Variants in SORCS1 observed in about 807,000 individuals in gnomAD.
SORCS1 encodes the protein VPS10 domain-containing receptor SorCS1.
Under a neutral mutation model 146.1 loss-of-function variants are expected in SORCS1, and 60 were observed. That is an observed-to-expected ratio of 0.41 (90% CI 0.33 to 0.51). The LOEUF is 0.51. SORCS1 is among the 20% of genes least tolerant of loss of function. SORCS1 has a pLI of 0.21. For synonymous variants in SORCS1, 637 were observed against 584.0 expected (o/e 1.09, Z -1.31); for missense variants, 1,352 against 1,487.6 (o/e 0.91, Z 1.50).
chr10:106,875,854 G>A (rs1408257332), intron 2 of SORCS1, among the ~76,000 whole-genome samples: 1 of 152,092 alleles, frequency 6.6e-6, no homozygotes, highest in Admixed American at 6.5e-5. Flanking sequence ...AAAATACAGA[G>A]TGACAGAAGT....
chr10:106,852,952 G>A (rs1199913227), intron 2 of SORCS1, among the ~76,000 whole-genome samples: 2 of 152,112 alleles, frequency 1.3e-5, no homozygotes, highest in Non-Finnish European at 2.9e-5. Flanking sequence ...ATGTCATTGG[G>A]TGGTTTTTGA....
chr10:106,941,638 T>C (rs1954047429), intron 2 of SORCS1, among the ~76,000 whole-genome samples: 1 of 152,172 alleles, frequency 6.6e-6, no homozygotes, highest in Admixed American at 6.5e-5. Context: ...TGGCTCCCAG[T>C]AGGAGAGGGA....
intron 3 of SORCS1, among the ~76,000 whole-genome samples, chr10:106,777,278 A>G (rs1860513938): frequency 6.6e-6 from 1 of 152,166 alleles, no homozygotes; most frequent in South Asian, 2.1e-4. Flanking sequence ...ATCACCTTCT[A>G]GCCTACTATA....
intron 18 of SORCS1, among the ~76,000 whole-genome samples, chr10:106,646,666 C>T (rs1016495828): frequency 2.6e-5 from 4 of 152,048 alleles, no homozygotes; most frequent in African/African-American, 9.7e-5. Flanking sequence ...CACTGCACTC[C>T]AGCCTGGGCG....
At chr10:106,719,037 C>A (rs1855594818) in intron 6 of SORCS1, among the ~76,000 whole-genome samples, 1 of 152,180 alleles carries the variant, frequency 6.6e-6, no homozygotes. Context: ...TCCAAGTCCC[C>A]ACCCAATCCA....
At chr10:107,018,712 G>C (rs970989136) in intron 1 of SORCS1, among the ~76,000 whole-genome samples, 1 of 151,946 alleles carries the variant, frequency 6.6e-6, no homozygotes, top group African/African-American at 2.4e-5. Flanking sequence ...TCCAACAGCA[G>C]GCAGCAGGAC....
At chr10:107,032,040 C>CACA (rs1160985307) in intron 1 of SORCS1, among the ~76,000 whole-genome samples, 2 of 152,126 alleles carry the variant, frequency 1.3e-5, no homozygotes, top group African/African-American at 4.8e-5. Flanking sequence ...CCATAGGACT[C>CACA]AGTGGTAGCA....
chr10:106,728,055 C>G (rs147904355), intron 6 of SORCS1, among the ~76,000 whole-genome samples: 1 of 150,258 alleles, frequency 6.7e-6, no homozygotes, highest in South Asian at 2.1e-4. Flanking sequence ...TTTTTTGAGA[C>G]GGAGTCTGGC....
intron 3 of SORCS1, among the ~76,000 whole-genome samples, chr10:106,779,462 A>C (rs959514384): frequency 3.3e-5 from 5 of 151,836 alleles, no homozygotes; most frequent in African/African-American, 1.2e-4. Flanking sequence ...GTTTCTTTCT[A>C]CTTCTTTATC....
intron 18 of SORCS1, among the ~76,000 whole-genome samples, chr10:106,641,013 T>C (rs755886829): frequency 2.0e-5 from 3 of 152,196 alleles, no homozygotes; most frequent in Non-Finnish European, 4.4e-5. Flanking sequence ...TCTTCTTGCA[T>C]CTGCCACAGT....
intron 2 of SORCS1, among the ~76,000 whole-genome samples, chr10:106,906,315 T>C (rs1361259622): frequency 2.0e-5 from 3 of 152,194 alleles, no homozygotes; most frequent in Admixed American, 2.0e-4. Flanking sequence ...GGATTTGCCA[T>C]GTTGGCCAGG....
At chr10:106,630,661 C>T (rs185780161) in intron 18 of SORCS1, among the ~76,000 whole-genome samples, 193 of 152,290 alleles carry the variant, frequency 1.3e-3, no homozygotes, top group Non-Finnish European at 2.1e-3. Flanking sequence ...GTTGTAAAAA[C>T]TATGCAGTAA....
intron 2 of SORCS1, among the ~76,000 whole-genome samples, chr10:106,946,734 C>T (rs1297705486): frequency 6.6e-6 from 1 of 152,176 alleles, no homozygotes; most frequent in African/African-American, 2.4e-5. Flanking sequence ...ACATTTTACC[C>T]TGCATTTAGC....
At chr10:107,067,079 C>G (rs1961944504) in intron 1 of SORCS1, among the ~76,000 whole-genome samples, 3 of 152,138 alleles carry the variant, frequency 2.0e-5, no homozygotes. Context: ...TTTATGGGAG[C>G]TGGCTGAAAC....
intron 1 of SORCS1, among the ~76,000 whole-genome samples, chr10:107,130,708 C>T (rs898969040): frequency 6.6e-6 from 1 of 151,972 alleles, no homozygotes; most frequent in African/African-American, 2.4e-5. Flanking sequence ...GGACTCTGGA[C>T]CCCAGAGCTC....
At chr10:106,722,329 G>A (rs1012820704) in intron 6 of SORCS1, among the ~76,000 whole-genome samples, 4 of 152,038 alleles carry the variant, frequency 2.6e-5, no homozygotes, top group East Asian at 1.9e-4. Flanking sequence ...TTTCAGCAGC[G>A]CTTACCTTAT....
chr10:106,868,281 A>C (rs1950291515), intron 2 of SORCS1, among the ~76,000 whole-genome samples: 1 of 152,054 alleles, frequency 6.6e-6, no homozygotes, highest in African/African-American at 2.4e-5. Context: ...TGACAGTATT[A>C]GATCATTGAG....
intron 1 of SORCS1, among the ~76,000 whole-genome samples, chr10:107,138,352 C>T (rs1389715389): frequency 6.6e-6 from 1 of 152,132 alleles, no homozygotes; most frequent in Non-Finnish European, 1.5e-5. Context: ...TTTGCAGATT[C>T]GTTGTTTATT....
intron 1 of SORCS1, among the ~76,000 whole-genome samples, chr10:107,012,298 T>C (rs1455416699): frequency 1.3e-5 from 2 of 152,194 alleles, no homozygotes; most frequent in Non-Finnish European, 2.9e-5. Context: ...CAGCAGAGGT[T>C]TGCAGAACTG....
Sources: gnomAD v4.1 joint callset for allele counts (sites outside exome capture counted in the v4.1 genomes callset) on GRCh38, gnomAD v4.1.1 for gene constraint, MANE v1.5 for transcripts, NCBI Gene and HGNC (gene_info 2026-07-23, HGNC 2026-07-21) for gene names.